The following SHISA6 variants were observed in gnomAD, a reference collection of about 807,000 sequenced individuals.
SHISA6 encodes protein shisa-6.
In SHISA6, 22 loss-of-function variants were observed where a neutral mutation model predicts 47.9. The observed-to-expected ratio is 0.46, with a 90% confidence interval of 0.33 to 0.66. The LOEUF is 0.66. SHISA6 is among the 30% of genes least tolerant of loss of function. SHISA6 has a pLI of 0.02. For synonymous variants in SHISA6, 388 were observed against 337.8 expected (o/e 1.15, Z -1.63); for missense variants, 680 against 764.6 (o/e 0.89, Z 1.30).
At chr17:11,368,560 G>A (rs779463526) in intron 2 of SHISA6, among the ~76,000 whole-genome samples, 24 of 152,212 alleles carry the variant, frequency 1.6e-4, no homozygotes, top group Non-Finnish European at 2.9e-4. Flanking sequence ...AATGGTAGTA[G>A]TACTAGTAAT....
At chr17:11,529,885 G>A (rs780866106) in intron 3 of SHISA6, among the ~76,000 whole-genome samples, 4 of 151,960 alleles carry the variant, frequency 2.6e-5, no homozygotes, top group East Asian at 1.9e-4. Flanking sequence ...ATATTCAAAC[G>A]TATATCAAAC....
intron 3 of SHISA6, among the ~76,000 whole-genome samples, chr17:11,411,521 T>C (rs551759197): frequency 7.2e-5 from 11 of 152,138 alleles, no homozygotes; most frequent in Non-Finnish European, 1.6e-4. Flanking sequence ...CTCAGCCTCC[T>C]GAGTAGCTGG....
intron 3 of SHISA6, among the ~76,000 whole-genome samples, chr17:11,405,210 A>T (rs1375233719): frequency 6.6e-6 from 1 of 152,200 alleles, no homozygotes; most frequent in African/African-American, 2.4e-5. Flanking sequence ...GCTTCTGAAG[A>T]TGTCACATGC....
At chr17:11,373,918 C>T (rs944963747) in intron 2 of SHISA6, among the ~76,000 whole-genome samples, 7 of 152,234 alleles carry the variant, frequency 4.6e-5, no homozygotes, top group African/African-American at 1.7e-4. Flanking sequence ...GGTTATATAC[C>T]TAGAAGTAGA....
intron 3 of SHISA6, among the ~76,000 whole-genome samples, chr17:11,386,041 G>T (rs1334402682): frequency 6.6e-6 from 1 of 152,140 alleles, no homozygotes; most frequent in Admixed American, 6.5e-5. Context: ...CGTCTGGGAT[G>T]TGCTCATTAC....
At chr17:11,414,486 C>T (rs1914222802) in intron 3 of SHISA6, among the ~76,000 whole-genome samples, 1 of 152,126 alleles carries the variant, frequency 6.6e-6, no homozygotes, top group South Asian at 2.1e-4. Context: ...TCTTTCCCTG[C>T]CCCTCCCTGC....
intron 2 of SHISA6, among the ~76,000 whole-genome samples, chr17:11,374,508 GTGTA>G (rs58197280): frequency 0.032 from 4,834 of 151,834 alleles, 265 homozygotes; most frequent in African/African-American, 0.11. Flanking sequence ...CTTGATTTCT[GTGTA>G]TGTGTTTTTG....
intron 3 of SHISA6, among the ~76,000 whole-genome samples, chr17:11,383,389 A>C (rs749353895): frequency 6.6e-6 from 1 of 152,164 alleles, no homozygotes; most frequent in Non-Finnish European, 1.5e-5. Context: ...ATGGGTAATT[A>C]AATAGTCTCA....
At position 11,421,907 on chromosome 17, in the gene SHISA6, C is replaced by T. The variant is rs180909186; in HGVS notation, c.895+42398C>T. On this transcript the variant is annotated intron_variant, in intron 3 of 5. Transcript: ENST00000441885. ...TATCTCACAGCTTTTGTAATAAGCACAGTTGGTTGCTCAGTTTCTCAGGAT... is the reference window on the plus strand; with the variant it reads ...TATCTCACAGCTTTTGTAATAAGCATAGTTGGTTGCTCAGTTTCTCAGGAT... 1.3e-3 allele frequency among the ~76,000 whole-genome samples: 200 copies of T among 152,230 alleles called. 1 individual carries two copies. The highest frequency in any genetic ancestry group is 4.6e-3 in the African/African-American group (192 of 41,546).
intron 3 of SHISA6, among the ~76,000 whole-genome samples, chr17:11,388,660 T>C (rs566011496): frequency 2.6e-5 from 4 of 151,244 alleles, no homozygotes; most frequent in Non-Finnish European, 5.9e-5. Context: ...TGTGATTCCA[T>C]ATGTTGTTAG....
At chr17:11,556,166 C>T (rs527997567) in intron 5 of SHISA6, among the ~76,000 whole-genome samples, 26 of 152,266 alleles carry the variant, frequency 1.7e-4, no homozygotes, top group Non-Finnish European at 3.1e-4. Flanking sequence ...AGTTTAACTG[C>T]GGGAGAAAGC....
chr17:11,243,625 T>A (rs557247708), intron 1 of SHISA6, among the ~76,000 whole-genome samples: 2 of 152,316 alleles, frequency 1.3e-5, no homozygotes, highest in African/African-American at 4.8e-5. Context: ...GCATCTTGTC[T>A]GGCAAAGAAT....
intron 2 of SHISA6, among the ~76,000 whole-genome samples, chr17:11,321,681 C>G (rs1231305522): frequency 6.6e-6 from 1 of 151,764 alleles, no homozygotes; most frequent in African/African-American, 2.4e-5. Context: ...TTTTTTGTTT[C>G]TTTGTTGATC....
intron 3 of SHISA6, among the ~76,000 whole-genome samples, chr17:11,470,741 T>C (rs1915916669): frequency 7.2e-6 from 1 of 138,868 alleles, no homozygotes; most frequent in African/African-American, 2.9e-5. Flanking sequence ...AGAGAGTAAG[T>C]AGTCTTCTCA....
At chr17:11,528,319 G>A (rs999444942) in intron 3 of SHISA6, among the ~76,000 whole-genome samples, 33 of 152,120 alleles carry the variant, frequency 2.2e-4, no homozygotes, top group Admixed American at 1.2e-3. Flanking sequence ...TCCCTGAAAT[G>A]GGAAAATTTT....
At chr17:11,526,115 C>CCCCT (rs1555542454) in intron 3 of SHISA6, among the ~76,000 whole-genome samples, 6 of 151,964 alleles carry the variant, frequency 3.9e-5, no homozygotes, top group African/African-American at 1.5e-4. Flanking sequence ...AGGGGACCCC[C>CCCCT]CCCCGCTCTC....
chr17:11,301,552 C>T (rs987163075), intron 2 of SHISA6, among the ~76,000 whole-genome samples: 1 of 152,194 alleles, frequency 6.6e-6, no homozygotes, highest in Non-Finnish European at 1.5e-5. Context: ...TCACACCGTG[C>T]ATGAATGAGT....
At chr17:11,247,582 A>T (rs576659385) in intron 1 of SHISA6, among the ~76,000 whole-genome samples, 1 of 152,208 alleles carries the variant, frequency 6.6e-6, no homozygotes, top group East Asian at 1.9e-4. Context: ...TTCAATTTAC[A>T]AGCATGTAAG....
chr17:11,368,277 G>T (rs982612497), intron 2 of SHISA6, among the ~76,000 whole-genome samples: 1 of 140,224 alleles, frequency 7.1e-6, no homozygotes, highest in African/African-American at 2.8e-5. Flanking sequence ...GAGATGGAGC[G>T]CTTCCTTTTG....
Sources: gnomAD v4.1 joint callset for allele counts (sites outside exome capture counted in the v4.1 genomes callset) on GRCh38, gnomAD v4.1.1 for gene constraint, MANE v1.5 for transcripts, NCBI Gene and HGNC (gene_info 2026-07-23, HGNC 2026-07-21) for gene names.